The following KCNH7 variants were observed in gnomAD, a reference collection of about 807,000 sequenced individuals.
The protein encoded by KCNH7 is potassium voltage-gated channel subfamily H member 7, also known as voltage-gated inwardly rectifying potassium channel KCNH7.
A neutral mutation model predicts 120.8 loss-of-function variants in KCNH7; 49 were observed. The observed-to-expected ratio is 0.41, with a 90% CI of 0.32 to 0.51. KCNH7 has a LOEUF of 0.51. Among genes scored for constraint, KCNH7 ranks in the 20% least tolerant of loss-of-function variants. KCNH7 has a pLI of 0.38. For synonymous variants in KCNH7, 547 were observed against 516.1 expected (o/e 1.06, Z -0.81); for missense variants, 1,097 against 1,446.6 (o/e 0.76, Z 3.92).
intron 2 of KCNH7, among the ~76,000 whole-genome samples, chr2:162,641,481 G>A (rs191472545): frequency 7.0e-4 from 106 of 152,162 alleles, no homozygotes; most frequent in Admixed American, 4.1e-3. Flanking sequence ...AGGCTGAGAT[G>A]GGAGGAGCCC....
At chr2:162,651,488 G>A (rs184832075) in intron 2 of KCNH7, among the ~76,000 whole-genome samples, 20 of 152,124 alleles carry the variant, frequency 1.3e-4, no homozygotes, top group Admixed American at 6.5e-4. Context: ...TCCTGTGTTA[G>A]TTTGCTAAGG....
At chr2:162,768,345 T>TA (rs397870304) in intron 2 of KCNH7, among the ~76,000 whole-genome samples, 18 of 152,002 alleles carry the variant, frequency 1.2e-4, no homozygotes, top group African/African-American at 4.8e-5. Flanking sequence ...GGTTTTTTTT[T>TA]ATAAATTGTG....
At chr2:162,564,298 T>C (rs1158351654) in intron 2 of KCNH7, among the ~76,000 whole-genome samples, 2 of 145,962 alleles carry the variant, frequency 1.4e-5, no homozygotes, top group Non-Finnish European at 3.0e-5. Flanking sequence ...GACCCAGAGT[T>C]TAAATGACTT....
intron 2 of KCNH7, among the ~76,000 whole-genome samples, chr2:162,798,361 T>A (rs1684220674): frequency 1.3e-5 from 2 of 152,114 alleles, no homozygotes; most frequent in Non-Finnish European, 2.9e-5. Context: ...ATTTGCCACA[T>A]CTTTGACCTA....
intron 9 of KCNH7, among the ~76,000 whole-genome samples, chr2:162,417,426 C>A (rs1260528915): frequency 6.6e-6 from 1 of 152,102 alleles, no homozygotes; most frequent in Admixed American, 6.6e-5. Flanking sequence ...ACACATCATA[C>A]CCTTCAGCAT....
chr2:162,563,723 A>C (rs1307863515), intron 2 of KCNH7, among the ~76,000 whole-genome samples: 7 of 152,162 alleles, frequency 4.6e-5, no homozygotes, highest in Non-Finnish European at 1.0e-4. Context: ...AATTAGTTCT[A>C]AAATGAAATC....
rs529327344 is a variant in KCNH7, at chr2:162,834,429, G to A, written c.307+2108C>T. On this transcript the variant is annotated intron_variant, in intron 2 of 15. Transcript: ENST00000332142. ...AAAATAGGTAGATTTTATAGTTAAC[G>A]CTAAAGATATTCAAATCCTTGAAGA... Among the ~76,000 whole-genome samples the A allele has an allele frequency of 6.6e-5, 10 of 152,020 alleles. No individual in the cohort carries two copies. In the South Asian group the frequency reaches 1.2e-3, roughly 19 times the overall value.
intron 2 of KCNH7, among the ~76,000 whole-genome samples, chr2:162,833,624 A>T (rs1685553293): frequency 6.6e-6 from 1 of 152,184 alleles, no homozygotes; most frequent in African/African-American, 2.4e-5. Flanking sequence ...GTTTTTAAAA[A>T]TTGATATTCT....
At chr2:162,742,205 C>A (rs1242804264) in intron 2 of KCNH7, among the ~76,000 whole-genome samples, 1 of 151,996 alleles carries the variant, frequency 6.6e-6, no homozygotes, top group African/African-American at 2.4e-5. Flanking sequence ...ATCCATGTGA[C>A]CTGGAAATGA....
chr2:162,752,974 A>AAAAG (rs1688641038), intron 2 of KCNH7, among the ~76,000 whole-genome samples: 6 of 119,238 alleles, frequency 5.0e-5, no homozygotes, highest in Non-Finnish European at 7.7e-5. Context: ...AAAAGAAAAG[A>AAAAG]AAAGAAAAGA....
intron 2 of KCNH7, among the ~76,000 whole-genome samples, chr2:162,718,908 T>C (rs1350404988): frequency 6.6e-6 from 1 of 151,986 alleles, no homozygotes; most frequent in East Asian, 1.9e-4. Context: ...GTTTCTGACA[T>C]GTTGTATGGC....
chr2:162,559,240 G>C, intron 2 of KCNH7, among the ~76,000 whole-genome samples: 1 of 151,962 alleles, frequency 6.6e-6, no homozygotes, highest in Admixed American at 6.6e-5. Flanking sequence ...AGAATCTGAG[G>C]CCAGAGAGTT....
intron 2 of KCNH7, chr2:162,798,117 A>G (rs1027872661): frequency 3.3e-5 from 5 of 152,172 alleles, no homozygotes; most frequent in South Asian, 4.1e-4. Context: ...GTAAAAATCT[A>G]TCTCCTTCTG....
chr2:162,527,100 T>A (rs950789528), intron 3 of KCNH7, among the ~76,000 whole-genome samples: 11 of 152,080 alleles, frequency 7.2e-5, no homozygotes, highest in African/African-American at 2.6e-4. Context: ...TAGAAATAGA[T>A]ACGATGTTCA....
At chr2:162,406,761 T>C (rs780404552) in intron 9 of KCNH7, among the ~76,000 whole-genome samples, 3 of 152,006 alleles carry the variant, frequency 2.0e-5, no homozygotes, top group Non-Finnish European at 4.4e-5. Context: ...AAAAAATCTT[T>C]AGCACTTGTA....
chr2:162,669,020 G>T (rs1307051946), intron 2 of KCNH7, among the ~76,000 whole-genome samples: 1 of 152,208 alleles, frequency 6.6e-6, no homozygotes, highest in Non-Finnish European at 1.5e-5. Context: ...GTAACGAAAA[G>T]GCAGCCTTGA....
chr2:162,498,316 CATTTAATTTA>C (rs56162627), intron 6 of KCNH7, among the ~76,000 whole-genome samples: 55 of 148,584 alleles, frequency 3.7e-4, no homozygotes, highest in African/African-American at 6.9e-4. Context: ...GGCCTTGTAG[CATTTAATTTA>C]ATTTAATTTA....
At chr2:162,763,579 A>C in intron 2 of KCNH7, among the ~76,000 whole-genome samples, 1 of 152,086 alleles carries the variant, frequency 6.6e-6, no homozygotes, top group Admixed American at 6.6e-5. Flanking sequence ...CATAGAGAGT[A>C]AACATTCAAC....
chr2:162,628,594 A>C (rs1013779225), intron 2 of KCNH7, among the ~76,000 whole-genome samples: 2 of 151,492 alleles, frequency 1.3e-5, no homozygotes, highest in African/African-American at 4.9e-5. Context: ...CCTTCATCCC[A>C]TTTTCTGTCC....
Sources: gnomAD v4.1 joint callset for allele counts (sites outside exome capture counted in the v4.1 genomes callset) on GRCh38, gnomAD v4.1.1 for gene constraint, MANE v1.5 for transcripts, NCBI Gene and HGNC (gene_info 2026-07-23, HGNC 2026-07-21) for gene names.